The following DOCK7 variants were observed in gnomAD, a reference collection of about 807,000 sequenced individuals.
DOCK7 encodes the protein dedicator of cytokinesis protein 7.
Under a neutral mutation model 271.0 loss-of-function variants are expected in DOCK7, and 138 were observed. That is an observed-to-expected ratio of 0.51 (90% CI 0.44 to 0.59). The LOEUF is 0.59. DOCK7 is among the 20% of genes least tolerant of loss of function. The pLI is 0.00. For missense variants in DOCK7, 2,066 were observed against 2,592.4 expected (o/e 0.80, Z 4.41); for synonymous variants, 823 against 876.1 (o/e 0.94, Z 1.07).
intron 43 of DOCK7, among the ~76,000 whole-genome samples, chr1:62,479,507 A>C (rs944567888): frequency 6.6e-6 from 1 of 152,192 alleles, no homozygotes; most frequent in Non-Finnish European, 1.5e-5. Flanking sequence ...GATTAAAACC[A>C]TAAGTAAGCC....
At chr1:62,546,868 C>T (rs1337100821) in intron 22 of DOCK7, among the ~76,000 whole-genome samples, 1 of 152,016 alleles carries the variant, frequency 6.6e-6, no homozygotes, top group African/African-American at 2.4e-5. Context: ...AAATTATGTC[C>T]AAGCCCAAAA....
chr1:62,509,849 A>G (rs1644430792), intron 34 of DOCK7, among the ~76,000 whole-genome samples: 1 of 152,114 alleles, frequency 6.6e-6, no homozygotes, highest in East Asian at 1.9e-4. Context: ...AGATAGGGTA[A>G]TCAATCATCT....
chr1:62,627,828 T>C (rs1363042826), intron 11 of DOCK7: 1 of 152,196 alleles, frequency 6.6e-6, no homozygotes, highest in Non-Finnish European at 1.5e-5. Context: ...AGAGATTCAA[T>C]GTCAGCCCTA....
rs1655398305 is a variant in DOCK7, at chr1:62,637,303, A to C, written c.819-700T>G. Among the ~76,000 whole-genome samples the C allele has an allele frequency of 2.0e-5, 3 of 152,230 alleles. No individual in the cohort carries two copies. The South Asian group carries it at 6.2e-4, about 32-fold the overall frequency. On this transcript the variant is annotated intron_variant, in intron 7 of 49. Transcript: ENST00000635253. ...TTGAGATGTCTAACTCATTTCTAAG[A>C]ACAATGACTTACATACAGTAAACAT...
chr1:62,596,147 T>C (rs1320220176), intron 14 of DOCK7, among the ~76,000 whole-genome samples: 1 of 152,142 alleles, frequency 6.6e-6, no homozygotes, highest in East Asian at 1.9e-4. Flanking sequence ...ACTACCTGTT[T>C]GCCCAGCACT....
chr1:62,468,057 C>T (rs756395162), intron 48 of DOCK7, among the ~76,000 whole-genome samples: 1 of 152,048 alleles, frequency 6.6e-6, no homozygotes, highest in South Asian at 2.1e-4. Context: ...ATCCAGCACC[C>T]CTTGATGATT....
At chr1:62,609,537 C>T (rs1651476020) in intron 14 of DOCK7, 1 of 152,160 alleles carries the variant, frequency 6.6e-6, no homozygotes, top group South Asian at 2.1e-4. Context: ...ATTTGAATAG[C>T]TTTATGAACT....
At chr1:62,670,990 A>G (rs1659930928) in intron 1 of DOCK7, among the ~76,000 whole-genome samples, 1 of 152,046 alleles carries the variant, frequency 6.6e-6, no homozygotes, top group African/African-American at 2.4e-5. Context: ...TCCTGAGCCC[A>G]GCGAGACCAC....
intron 14 of DOCK7, 151 bp downstream of exon 14, chr1:62,618,555 A>T: frequency 1.5e-6 from 1 of 646,694 alleles, no homozygotes; most frequent in Non-Finnish European, 2.6e-6. Flanking sequence ...AAGCCTTAAT[A>T]CGTGAAAACT....
At chr1:62,514,000 C>T (rs1229079280) in intron 31 of DOCK7, 102 bp from the exon 32 acceptor site, 2 of 1,061,354 alleles carry the variant, frequency 1.9e-6, no homozygotes, top group Non-Finnish European at 2.7e-6. Flanking sequence ...ACAAAAGTTG[C>T]TTAAAAATAA....
intron 18 of DOCK7, among the ~76,000 whole-genome samples, chr1:62,566,125 G>A (rs1646507183): frequency 6.6e-6 from 1 of 152,070 alleles, no homozygotes; most frequent in Non-Finnish European, 1.5e-5. Context: ...TGGCCATACT[G>A]CCCAAAGTAA....
intron 1 of DOCK7, among the ~76,000 whole-genome samples, chr1:62,663,559 A>G (rs978568596): frequency 3.9e-5 from 6 of 151,920 alleles, no homozygotes; most frequent in Admixed American, 1.3e-4. Flanking sequence ...GGAATAAAAA[A>G]CTCTAGAGTG....
At position 62,604,142 on chromosome 1, in the gene DOCK7, G is replaced by A. The variant is rs1005269729; in HGVS notation, c.1682+14564C>T. ...ACATCTAGTTGCGATTACTGGCAAT[G>A]TCCCCAATGCAATCCCGGAAAACAA... On this transcript the variant is annotated intron_variant, in intron 14 of 49. Transcript: ENST00000635253. The A allele has an allele frequency of 5.0e-6, 8 of 1,613,360 alleles. No homozygotes were observed. The South Asian group carries it at 7.7e-5, about 16-fold the overall frequency.
At chr1:62,535,329 G>A (rs1019658791) in intron 29 of DOCK7, among the ~76,000 whole-genome samples, 164 bp downstream of exon 29, 1 of 152,138 alleles carries the variant, frequency 6.6e-6, no homozygotes, top group African/African-American at 2.4e-5. Flanking sequence ...TCATAAAACT[G>A]ATTAAACAGA....
In DOCK7 at chr1:62,625,332, G is replaced by A. The variant is rs370285185; in HGVS notation, c.1352C>T (p.Thr451Ile). 1.1e-5 allele frequency: 17 copies of A among 1,613,638 alleles called. No homozygotes were observed. The highest frequency in any genetic ancestry group is 2.2e-5 in the East Asian group (1 of 44,828). Residue 451 changes from threonine (T) to isoleucine (I), a missense_variant, in exon 12 of 50, where the codon ACA becomes ATA. Physicochemically the swap from Thr to Ile is moderately conservative, Grantham distance 89. Coordinates refer to ENST00000635253, the MANE Select transcript of DOCK7 (RefSeq NM_001367561.1). Reference protein sequence around the residue: ...IVGRRSLERTTSGDDACNLTS... With the variant: ...IVGRRSLERTISGDDACNLTS... ...CAAGTTACAAGCATCATCTCCACTT[G>A]TTGTCCTTTCAAGTGATCGTCTGCC...
chr1:62,581,450 GT>G (rs1647118473), intron 16 of DOCK7, among the ~76,000 whole-genome samples: 1 of 152,086 alleles, frequency 6.6e-6, no homozygotes. Flanking sequence ...AAGACATAGG[GT>G]CAGGACAAGA....
intron 25 of DOCK7, among the ~76,000 whole-genome samples, chr1:62,540,362 A>G (rs1645489426): frequency 6.6e-6 from 1 of 152,006 alleles, no homozygotes; most frequent in Non-Finnish European, 1.5e-5. Context: ...TTATAGAGAC[A>G]GGGTCTGGCT....
At chr1:62,457,886 A>C in intron 48 of DOCK7, 181 bp from the exon 49 acceptor site, 1 of 565,158 alleles carries the variant, frequency 1.8e-6, no homozygotes, top group Non-Finnish European at 3.0e-6. Context: ...ATGGTGGCTC[A>C]TGGCTGTAAT....
At chr1:62,673,899 G>A (rs1475961345) in intron 1 of DOCK7, among the ~76,000 whole-genome samples, 3 of 149,840 alleles carry the variant, frequency 2.0e-5, no homozygotes, top group Non-Finnish European at 4.4e-5. Context: ...AAGAGGGAGG[G>A]AGGGAAGGAA....
Sources: allele counts gnomAD v4.1 joint callset (sites outside exome capture counted in the v4.1 genomes callset), GRCh38; gene constraint gnomAD v4.1.1; transcripts MANE v1.5; gene names NCBI Gene and HGNC (gene_info 2026-07-23, HGNC 2026-07-21).